The following SCARA5 variants were observed in gnomAD, a reference collection of about 807,000 sequenced individuals.
The protein encoded by SCARA5 is scavenger receptor class A member 5.
SCARA5 carries 45 observed loss-of-function variants against 46.3 expected under a neutral mutation model. The ratio of observed to expected loss-of-function variants is 0.97; its 90% CI spans 0.76 to 1.24. SCARA5 has a LOEUF of 1.24. SCARA5 is among the 50% of genes most tolerant of loss of function. The pLI, the probability that SCARA5 is intolerant of heterozygous loss-of-function variation, is 0.00. For missense variants in SCARA5, 680 were observed against 689.0 expected (o/e 0.99, Z 0.15); for synonymous variants, 333 against 306.5 (o/e 1.09, Z -0.90).
chr8:27,939,400 G>A (rs1807907195), intron 3 of SCARA5, among the ~76,000 whole-genome samples: 1 of 152,170 alleles, frequency 6.6e-6, no homozygotes, highest in South Asian at 2.1e-4. Context: ...CAGCATCATT[G>A]TTTCAACCTC....
At chr8:27,910,114 G>A in intron 4 of SCARA5, 1 of 182,264 alleles carries the variant, frequency 5.5e-6, no homozygotes, top group African/African-American at 2.4e-5. Context: ...AAGTCACGGG[G>A]GTCAGCCCAC....
chr8:27,959,719 G>A (rs1808264940), intron 3 of SCARA5, among the ~76,000 whole-genome samples: 1 of 152,230 alleles, frequency 6.6e-6, no homozygotes, highest in Non-Finnish European at 1.5e-5. Context: ...ACAGTGTATG[G>A]GAAAGTCAAG....
intron 7 of SCARA5, among the ~76,000 whole-genome samples, chr8:27,891,827 T>G (rs2726959): frequency 0.75 from 114,773 of 152,202 alleles, 44,114 homozygotes; most frequent in South Asian, 0.85. Context: ...TCTGTACACA[T>G]CGAGGTGGCA....
At chr8:27,951,076 G>A (rs1479926773) in intron 3 of SCARA5, among the ~76,000 whole-genome samples, 1 of 152,066 alleles carries the variant, frequency 6.6e-6, no homozygotes, top group African/African-American at 2.4e-5. Flanking sequence ...TAAGAAAACT[G>A]GTGCTCAAAG....
chr8:27,985,808 C>T (rs1359343853), intron 2 of SCARA5, among the ~76,000 whole-genome samples: 1 of 152,226 alleles, frequency 6.6e-6, no homozygotes, highest in East Asian at 1.9e-4. Flanking sequence ...ACATGGCTAG[C>T]ATGGCTCCCA....
At chr8:27,909,294 G>T (rs1434416962) in intron 5 of SCARA5, among the ~76,000 whole-genome samples, 2 of 152,144 alleles carry the variant, frequency 1.3e-5, no homozygotes, top group African/African-American at 4.8e-5. Context: ...GTGGCAGGTA[G>T]CTAGTGATCA....
intron 2 of SCARA5, among the ~76,000 whole-genome samples, chr8:27,974,243 T>C (rs1808488755): frequency 6.6e-6 from 1 of 152,206 alleles, no homozygotes; most frequent in African/African-American, 2.4e-5. Context: ...TGTCATGCAT[T>C]AACTGTGAGA....
intron 5 of SCARA5, among the ~76,000 whole-genome samples, chr8:27,908,252 G>C (rs1387267737): frequency 6.6e-6 from 1 of 152,212 alleles, no homozygotes; most frequent in Non-Finnish European, 1.5e-5. Context: ...ATAGCAAAAG[G>C]GATTGGAGGC....
chr8:27,921,799 G>C lies in SCARA5; in HGVS notation c.688C>G (p.Leu230Val). 1.3e-6 allele frequency: 2 copies of C among 1,562,932 alleles called. No homozygotes were observed. Among genetic ancestry groups the C allele is most frequent in the Non-Finnish European group, 1.7e-6 (2 of 1,159,134 alleles). Residue 230 changes from leucine (L) to valine (V), a missense_variant, in exon 4 of 9, where the codon CTC becomes GTC. Coordinates refer to ENST00000354914, the MANE Select transcript of SCARA5 (RefSeq NM_173833.6). ...ACGTCGTAGGACAGGCTGTGGTTGAGGCCGCGCAGCACGCCGCCCACGTCG... is the reference window on the plus strand; with the variant it reads ...ACGTCGTAGGACAGGCTGTGGTTGACGCCGCGCAGCACGCCGCCCACGTCG... ...LADVGGVLRG[L>V]NHSLSYDVAL... is the part of the protein sequence containing the mutation.
intron 3 of SCARA5, among the ~76,000 whole-genome samples, chr8:27,940,793 T>TCCATCCATCCAG (rs1807933591): frequency 7.3e-6 from 1 of 136,110 alleles, no homozygotes; most frequent in Non-Finnish European, 1.6e-5. Flanking sequence ...CATCCATCCA[T>TCCATCCATCCAG]CCATCCATCC....
At chr8:27,932,715 G>T (rs957709956) in intron 3 of SCARA5, among the ~76,000 whole-genome samples, 4 of 152,138 alleles carry the variant, frequency 2.6e-5, no homozygotes, top group Admixed American at 2.0e-4. Flanking sequence ...TGCAACCTCC[G>T]CCTCCTGGGT....
chr8:27,908,212 A>T (rs1807301022), intron 5 of SCARA5, among the ~76,000 whole-genome samples: 1 of 152,186 alleles, frequency 6.6e-6, no homozygotes, highest in Admixed American at 6.5e-5. Flanking sequence ...ACACAAAAAG[A>T]TCCCTTCCCT....
intron 3 of SCARA5, among the ~76,000 whole-genome samples, chr8:27,929,425 G>A (rs1807733335): frequency 6.6e-6 from 1 of 152,202 alleles, no homozygotes; most frequent in African/African-American, 2.4e-5. Flanking sequence ...AGGGAAGAAG[G>A]AAGCTAAGGG....
chr8:27,930,692 G>A (rs945381467), intron 3 of SCARA5, among the ~76,000 whole-genome samples: 28 of 152,296 alleles, frequency 1.8e-4, no homozygotes, highest in Admixed American at 1.6e-3. Flanking sequence ...GTGAGCCACC[G>A]CGCCCAGCCT....
intron 3 of SCARA5, among the ~76,000 whole-genome samples, chr8:27,932,890 C>T (rs1453228672): frequency 6.6e-6 from 1 of 152,218 alleles, no homozygotes; most frequent in Non-Finnish European, 1.5e-5. Context: ...CTCGGCCTCC[C>T]AAAATGCTGG....
At position 27,918,778 on chromosome 8, in the gene SCARA5, G is replaced by A. The variant is rs571675626; in HGVS notation, c.916+2793C>T. On this transcript the variant is annotated intron_variant, in intron 4 of 8. Transcript: ENST00000354914. ...AGAAGGAAGAAAGGGTGGAGGAGAA[G>A]GAGGAAGAGGAGAAAGAGGAGGAGG... 1.1e-4 allele frequency among the ~76,000 whole-genome samples: 16 copies of A among 150,836 alleles called. No homozygotes were observed. The East Asian group carries it at 3.0e-3, about 28-fold the overall frequency.
intron 2 of SCARA5, among the ~76,000 whole-genome samples, chr8:27,968,020 G>A (rs1319350456): frequency 6.6e-6 from 1 of 152,196 alleles, no homozygotes; most frequent in Admixed American, 6.5e-5. Flanking sequence ...AAAACATCCT[G>A]AAGGATAGTA....
intron 5 of SCARA5, among the ~76,000 whole-genome samples, chr8:27,908,397 G>C (rs1807307465): frequency 6.6e-6 from 1 of 152,200 alleles, no homozygotes; most frequent in African/African-American, 2.4e-5. Context: ...CCGAGTGAGA[G>C]CCCTGGCCCC....
intron 3 of SCARA5, among the ~76,000 whole-genome samples, chr8:27,941,227 A>G (rs1024037749): frequency 2.0e-5 from 3 of 152,260 alleles, no homozygotes; most frequent in Non-Finnish European, 4.4e-5. Flanking sequence ...GAATGGAATC[A>G]ATTTAGATTT....
Sources: allele counts gnomAD v4.1 joint callset (sites outside exome capture counted in the v4.1 genomes callset), GRCh38; gene constraint gnomAD v4.1.1; transcripts MANE v1.5; gene names NCBI Gene and HGNC (gene_info 2026-07-23, HGNC 2026-07-21).